The following BRD10 variants were observed in gnomAD, a reference collection of about 807,000 sequenced individuals.
BRD10 encodes bromodomain containing 10.
the BRD10 span, chr9:5,968,882 C>G: frequency 6.2e-7 from 1 of 1,612,998 alleles, no homozygotes; most frequent in Non-Finnish European, 8.5e-7. Flanking sequence ...GATAGGCTGT[C>G]CAAGTACAGC....
chr9:5,905,728 G>T, the BRD10 span, among the ~76,000 whole-genome samples: 2 of 152,256 alleles, frequency 1.3e-5, no homozygotes, highest in South Asian at 4.2e-4. Flanking sequence ...GCCTTTTCAG[G>T]CTGACCCAAT....
chr9:5,894,633 G>A, the BRD10 span, among the ~76,000 whole-genome samples: 45 of 152,304 alleles, frequency 3.0e-4, no homozygotes, highest in African/African-American at 1.0e-3. The surrounding 1 kb of genome is among the most constrained non-coding windows in gnomAD (Gnocchi z 4.0). Flanking sequence ...GCATAATGAA[G>A]CTGGCTCTGA....
At chr9:5,883,557 G>T in the BRD10 span, among the ~76,000 whole-genome samples, 10 of 135,148 alleles carry the variant, frequency 7.4e-5, no homozygotes, top group Admixed American at 8.6e-4. Flanking sequence ...CCTCATTCTT[G>T]TGGGCTCAGG....
At chr9:5,975,059 A>G in the BRD10 span, among the ~76,000 whole-genome samples, 4 of 152,332 alleles carry the variant, frequency 2.6e-5, no homozygotes, top group South Asian at 8.3e-4. Context: ...AACCAAGGCT[A>G]CTAGGCATGC....
the BRD10 span, among the ~76,000 whole-genome samples, chr9:5,986,514 G>A: frequency 1.3e-5 from 2 of 152,270 alleles, no homozygotes; most frequent in South Asian, 4.1e-4. Context: ...TGGGTCAAAT[G>A]GTTCTAGATC....
the BRD10 span, among the ~76,000 whole-genome samples, chr9:6,000,782 T>C: frequency 1.3e-5 from 2 of 152,222 alleles, no homozygotes; most frequent in Non-Finnish European, 2.9e-5. Context: ...GCTTTTAATA[T>C]ACATTATACA....
At chr9:5,958,514 G>C in the BRD10 span, among the ~76,000 whole-genome samples, 1 of 152,286 alleles carries the variant, frequency 6.6e-6, no homozygotes, top group Non-Finnish European at 1.5e-5. Flanking sequence ...GCATGCCTGT[G>C]ATCCCAGCTC....
the BRD10 span, among the ~76,000 whole-genome samples, chr9:5,986,348 C>G: frequency 1.3e-5 from 2 of 152,094 alleles, no homozygotes; most frequent in African/African-American, 4.8e-5. Flanking sequence ...CTGTATGTAC[C>G]ACATTTTCTT....
chr9:5,894,562 G>A, the BRD10 span, among the ~76,000 whole-genome samples: 2 of 152,200 alleles, frequency 1.3e-5, no homozygotes, highest in African/African-American at 4.8e-5. The surrounding 1 kb of genome is among the most constrained non-coding windows in gnomAD (Gnocchi z 4.0). Flanking sequence ...GAGCTTAGAA[G>A]TGAGGGGCAT....
the BRD10 span, among the ~76,000 whole-genome samples, chr9:5,935,133 C>T: frequency 6.6e-6 from 1 of 152,150 alleles, no homozygotes; most frequent in Non-Finnish European, 1.5e-5. Context: ...AGTACTTTAA[C>T]ACTGACAGAA....
the BRD10 span, among the ~76,000 whole-genome samples, chr9:5,900,907 C>T: frequency 5.3e-5 from 6 of 112,978 alleles, no homozygotes; most frequent in Non-Finnish European, 1.0e-4. Context: ...GCTCAGTTTA[C>T]ACTCATGTGT....
the BRD10 span, among the ~76,000 whole-genome samples, chr9:5,972,573 G>C: frequency 6.6e-6 from 1 of 152,086 alleles, no homozygotes; most frequent in Non-Finnish European, 1.5e-5. Context: ...TCTACTGGTT[G>C]TCACAAGAAC....
chr9:5,882,373 C>T, the BRD10 span, among the ~76,000 whole-genome samples: 1 of 152,278 alleles, frequency 6.6e-6, no homozygotes, highest in South Asian at 2.1e-4. Flanking sequence ...GCAAGGATTT[C>T]GCATGAGACC....
the BRD10 span, among the ~76,000 whole-genome samples, chr9:5,942,543 CTT>C: frequency 6.6e-6 from 1 of 152,044 alleles, no homozygotes; most frequent in African/African-American, 2.4e-5. Context: ...TAGATGCAAA[CTT>C]TTATTGTCTA....
chr9:5,944,407 TA>T, the BRD10 span, among the ~76,000 whole-genome samples: 1 of 152,066 alleles, frequency 6.6e-6, no homozygotes, highest in Non-Finnish European at 1.5e-5. Flanking sequence ...TTTCAGCAGA[TA>T]AAGGTTCTTT....
At chr9:5,960,660 G>A in the BRD10 span, among the ~76,000 whole-genome samples, 2 of 151,874 alleles carry the variant, frequency 1.3e-5, no homozygotes, top group Admixed American at 6.6e-5. Flanking sequence ...AACACCATAA[G>A]CTTTTTGTAA....
the BRD10 span, among the ~76,000 whole-genome samples, chr9:5,969,775 A>T: frequency 6.6e-6 from 1 of 152,194 alleles, no homozygotes; most frequent in East Asian, 1.9e-4. Flanking sequence ...CAAACTCCTG[A>T]CCTCAGGTGA....
chr9:5,899,544 A>G, the BRD10 span, among the ~76,000 whole-genome samples: 30 of 152,314 alleles, frequency 2.0e-4, no homozygotes, highest in East Asian at 5.4e-3. Flanking sequence ...CAAGACTCCA[A>G]TATTGGAGGA....
At chr9:5,886,411 T>C in the BRD10 span, among the ~76,000 whole-genome samples, 1,259 of 152,342 alleles carry the variant, frequency 8.3e-3, 17 homozygotes, top group African/African-American at 0.029. Flanking sequence ...CTAGGCGTAT[T>C]CTGTGCCACG....
Sources: gnomAD v4.1 joint callset for allele counts (sites outside exome capture counted in the v4.1 genomes callset) on GRCh38, gnomAD v4.1.1 for gene constraint, Gnocchi (gnomAD v3.1) non-coding constraint, MANE v1.5 for transcripts, NCBI Gene and HGNC (gene_info 2026-07-23, HGNC 2026-07-21) for gene names.